SELPLG: variants seen among roughly 807,000 people sequenced by gnomAD.
SELPLG encodes the protein P-selectin glycoprotein ligand 1.
SELPLG carries 2 observed loss-of-function variants against 1.1 expected under a neutral mutation model. The ratio of observed to expected loss-of-function variants is 1.82; its 90% CI spans 0.74 to 5.71. SELPLG has a LOEUF of 5.71. Among genes scored for constraint, SELPLG ranks in the 30% most tolerant of loss-of-function variants. SELPLG has a pLI of 0.05. For missense variants in SELPLG, 478 were observed against 524.7 expected (o/e 0.91, Z 0.87); for synonymous variants, 230 against 221.2 (o/e 1.04, Z -0.35).
chr12:108,622,869 A>G lies in SELPLG; in HGVS notation c.*200T>C. The G allele has an allele frequency of 2.0e-6, 1 of 511,912 alleles. No individual in the cohort carries two copies. The highest frequency in any genetic ancestry group is 3.4e-6 in the Non-Finnish European group (1 of 298,170). The allele number at this position is 511,912 out of a possible 1,614,324, so 31.7% of individuals were successfully genotyped here. Reference sequence around the variant, plus strand: ...TGGGCTTCATCCGCGGAGGGAGGAAAGAGGTGGCTCCACTTGCCCGTCTGC... The same window carrying G: ...TGGGCTTCATCCGCGGAGGGAGGAAGGAGGTGGCTCCACTTGCCCGTCTGC... On this transcript the variant is annotated 3_prime_UTR_variant, in exon 2 of 2. Transcript: ENST00000550948.
intron 1 of SELPLG, 91 bp from the exon 2 acceptor site, chr12:108,624,403 C>T (rs2031895721): frequency 8.2e-7 from 1 of 1,215,160 alleles, no homozygotes; most frequent in Non-Finnish European, 1.1e-6. Flanking sequence ...ACTGCCACAG[C>T]TGGAAGCATG....
At chr12:108,625,568 A>G (rs2031922405) in intron 1 of SELPLG, among the ~76,000 whole-genome samples, 1 of 152,114 alleles carries the variant, frequency 6.6e-6, no homozygotes, top group Non-Finnish European at 1.5e-5. Context: ...GAAAACTCAA[A>G]TCTCTTCAGA....
At chr12:108,624,397 C>A in intron 1 of SELPLG, 85 bp from the exon 2 acceptor site, 1 of 1,267,714 alleles carries the variant, frequency 7.9e-7, no homozygotes, top group Non-Finnish European at 1.1e-6. Context: ...CCCTCTACTG[C>A]CACAGCTGGA....
At position 108,623,156 on chromosome 12, in the gene SELPLG, C is replaced by T. The variant is rs1243781869; in HGVS notation, c.1152G>A (p.Leu384=). The T allele has an allele frequency of 6.2e-7, 1 of 1,611,796 alleles. No individual in the cohort carries two copies. Among genetic ancestry groups the T allele is most frequent in the Non-Finnish European group, 8.5e-7 (1 of 1,178,926 alleles). The stretch of plus-strand genomic sequence containing the variant: ...TCAGGCCCGGGCTCTTGGCCTTGGA[C>T]AGGCCCCCATTGGCTGTGGCAGAGG... ...EGPSATANGG[L]SKAKSPGLTP... is the part of the protein sequence containing the mutation. Residue 384 remains leucine (L), a synonymous_variant, in exon 2 of 2, where the codon CTG becomes CTA. Coordinates refer to ENST00000550948, the MANE Select transcript of SELPLG (RefSeq NM_003006.4).
rs905637145 is a variant in SELPLG, at chr12:108,632,038, T to C, written c.-6+1702A>G. ...CTTCAAGCCTCAGTTTTCTCATCTG[T>C]AAAAGGGGCACTGTCCACCCTCCAA... On this transcript the variant is annotated intron_variant, in intron 1 of 1. Transcript: ENST00000550948. 3.2e-5 allele frequency: 31 copies of C among 963,442 alleles called. No homozygotes were observed. The Middle Eastern group carries it at 6.3e-4, about 20-fold the overall frequency. 59.7% of individuals were successfully genotyped at this position (963,442 alleles called of 1,614,324 possible).
At chr12:108,631,997 G>A (rs2032065976) in intron 1 of SELPLG, 1 of 1,429,190 alleles carries the variant, frequency 7.0e-7, no homozygotes, top group Non-Finnish European at 9.5e-7. Flanking sequence ...TGCCGCCAGA[G>A]GCAGCTGCTT....
intron 1 of SELPLG, among the ~76,000 whole-genome samples, chr12:108,625,595 G>A (rs2031922832): frequency 6.6e-6 from 1 of 152,170 alleles, no homozygotes; most frequent in South Asian, 2.1e-4. Flanking sequence ...CTGCTCTCAG[G>A]AAGCTTATAG....
chr12:108,624,023 T>G lies in SELPLG; in HGVS notation c.285A>C (p.Ala95=). Reference sequence around the variant, plus strand: ...TGGTCAGCTCTGTGACTGCCCCTCCTGCATCCAGGCCAGTAGAACGCCTTG... The same window carrying G: ...TGGTCAGCTCTGTGACTGCCCCTCCGGCATCCAGGCCAGTAGAACGCCTTG... The part of the protein sequence containing the change: ...PAARRSTGLD[A]GGAVTELTTE... The change falls in exon 2 of 2, where the codon GCA becomes GCC. Residue 95 remains alanine, a synonymous_variant. Coordinates refer to ENST00000550948, the MANE Select transcript of SELPLG (RefSeq NM_003006.4). 1 of 1,614,244 alleles carries G rather than the reference T, an allele frequency of 6.2e-7. No individual in the cohort carries two copies.
rs1012557539 is a variant in SELPLG, at chr12:108,622,275, C to T, written c.*794G>A. The T allele has an allele frequency of 5.3e-5, 8 of 152,362 alleles. No homozygotes were observed. The highest frequency in any genetic ancestry group is 1.7e-4 in the African/African-American group (7 of 41,564). 9.4% of individuals were successfully genotyped at this position (152,362 alleles called of 1,614,324 possible). Reference sequence around the variant, plus strand: ...TTGAAACCTTGAAGGATTCCGCTATCGTTTGTCCATCACATATTTATTGCC... The same window carrying T: ...TTGAAACCTTGAAGGATTCCGCTATTGTTTGTCCATCACATATTTATTGCC... On this transcript the variant is annotated 3_prime_UTR_variant, in exon 2 of 2. Transcript: ENST00000550948.
chr12:108,632,809 C>T (rs145032163), intron 1 of SELPLG, among the ~76,000 whole-genome samples: 1 of 152,210 alleles, frequency 6.6e-6, no homozygotes, highest in African/African-American at 2.4e-5. Context: ...AGCCACTGCA[C>T]CCAGCCAAAT....
At position 108,623,056 on chromosome 12, in the gene SELPLG, A is replaced by G. The variant is rs777349631; in HGVS notation, c.*13T>C. The G allele has an allele frequency of 3.4e-6, 5 of 1,477,076 alleles. No individual in the cohort carries two copies. The highest frequency in any genetic ancestry group is 2.8e-5 in the South Asian group (2 of 70,898). The allele number at this position is 1,477,076 out of a possible 1,614,324, so 91.5% of individuals were successfully genotyped here. ...TGGAGGTGGGGTCTTGCCAAAACAG[A>G]TGGCAGAGTGAGCTAAGGGAGGAAG... is the stretch of plus-strand genomic sequence containing the variant. On this transcript the variant is annotated 3_prime_UTR_variant, in exon 2 of 2. Transcript: ENST00000550948.
rs545944078 is a variant in SELPLG at position 108,632,825 on chromosome 12, A to AATT, written c.-6+912_-6+914dup. Among the ~76,000 whole-genome samples the AATT allele has an allele frequency of 7.1e-3, 1,076 of 152,052 alleles. 11 individuals are homozygous for AATT. Among genetic ancestry groups the AATT allele is most frequent in the African/African-American group, 0.024 (1,014 of 41,450 alleles). On this transcript the variant is annotated intron_variant, in intron 1 of 1. Transcript: ENST00000550948. ...GCCACTGCACCCAGCCAAATATTCT[A>AATT]ATTATTATTATTATTATTGTTTTCC...
chr12:108,623,042 T>A lies in SELPLG; in HGVS notation c.*27A>T. 2.7e-6 allele frequency: 4 copies of A among 1,464,460 alleles called. No homozygotes were observed. The highest frequency in any genetic ancestry group is 2.7e-6 in the Non-Finnish European group (3 of 1,106,620). 90.7% of individuals were successfully genotyped at this position (1,464,460 alleles called of 1,614,324 possible). A position where few individuals can be genotyped will look rare whatever the true frequency, so the allele number is the denominator to read the frequency against. On this transcript the variant is annotated 3_prime_UTR_variant, in exon 2 of 2. Coordinates refer to ENST00000550948, the MANE Select transcript of SELPLG (RefSeq NM_003006.4). ...CCCAGGAGAGCCCGTGGAGGTGGGG[T>A]CTTGCCAAAACAGATGGCAGAGTGA...
chr12:108,633,457 T>C (rs951309184), intron 1 of SELPLG, among the ~76,000 whole-genome samples: 1 of 151,980 alleles, frequency 6.6e-6, no homozygotes, highest in African/African-American at 2.4e-5. Flanking sequence ...GCCATGATTG[T>C]GCCACTGCAC....
intron 1 of SELPLG, among the ~76,000 whole-genome samples, chr12:108,629,839 T>C (rs2032013420): frequency 6.6e-6 from 1 of 152,202 alleles, no homozygotes; most frequent in Admixed American, 6.5e-5. Context: ...GGTAGCATAA[T>C]ACCTCCTTAA....
At position 108,623,519 on chromosome 12, in the gene SELPLG, G is replaced by A; in HGVS notation, c.789C>T (p.Ser263=). 2 of 1,614,282 alleles carry A rather than the reference G, an allele frequency of 1.2e-6. No homozygotes were observed. The highest frequency in any genetic ancestry group is 2.2e-5 in the South Asian group (2 of 91,090). The stretch of plus-strand genomic sequence containing the variant: ...GGGCCTCTGTGGCACTGGGTTCTGT[G>A]GACAGGGCCTCCATGGCTGCCAGTG... The part of the protein sequence containing the change: ...TTPLAAMEAL[S]TEPSATEALS... The change falls in exon 2 of 2, where the codon TCC becomes TCT. Residue 263 remains serine (S), a synonymous_variant. Transcript: ENST00000550948.
At chr12:108,633,657 G>A (rs893049796) in intron 1 of SELPLG, 83 bp downstream of exon 1, 7 of 152,280 alleles carry the variant, frequency 4.6e-5, no homozygotes, top group African/African-American at 1.2e-4. Flanking sequence ...GGTCCTACCC[G>A]GGCCTGCCAG....
intron 1 of SELPLG, chr12:108,631,745 T>C: frequency 1.3e-6 from 1 of 769,874 alleles, no homozygotes; most frequent in East Asian, 3.0e-5. Context: ...TTGGCACAAA[T>C]GAATTCAATG....
chr12:108,624,803 T>C (rs1440621023), intron 1 of SELPLG, among the ~76,000 whole-genome samples: 2 of 151,694 alleles, frequency 1.3e-5, no homozygotes, highest in African/African-American at 2.4e-5. Context: ...GATTCTCCTG[T>C]CTCAGCCTCC....
Sources: allele counts gnomAD v4.1 joint callset (sites outside exome capture counted in the v4.1 genomes callset), GRCh38; gene constraint gnomAD v4.1.1; transcripts MANE v1.5; gene names NCBI Gene and HGNC (gene_info 2026-07-23, HGNC 2026-07-21).